ITPR1: variants seen among roughly 807,000 people sequenced by gnomAD.
The protein encoded by ITPR1 is inositol 1,4,5-trisphosphate receptor type 1.
A neutral mutation model predicts 318.4 loss-of-function variants in ITPR1; 96 were observed. The ratio of observed to expected loss-of-function variants is 0.30; its 90% CI spans 0.26 to 0.36. The LOEUF (loss-of-function observed/expected upper bound fraction) is 0.36, where lower values mean the gene tolerates loss of function less well. Among genes scored for constraint, ITPR1 ranks in the 10% least tolerant of loss-of-function variants. ITPR1 has a pLI of 1.00. For synonymous variants in ITPR1, 1,312 were observed against 1,289.9 expected, an observed-to-expected ratio of 1.02 and a Z score of -0.37; for missense variants, 2,440 against 3,460.2, an observed-to-expected ratio of 0.71 and a Z score of 7.40.
At chr3:4,530,370 C>G (rs1029258036) in intron 4 of ITPR1, among the ~76,000 whole-genome samples, 2 of 152,180 alleles carry the variant, frequency 1.3e-5, no homozygotes, top group East Asian at 3.9e-4. Flanking sequence ...TGACTGCTCC[C>G]AGTTCTAGCA....
intron 12 of ITPR1, among the ~76,000 whole-genome samples, chr3:4,656,997 C>T (rs1385011059): frequency 4.6e-5 from 7 of 152,172 alleles, no homozygotes; most frequent in Non-Finnish European, 1.0e-4. Flanking sequence ...CTAGAATATG[C>T]TTTTTTAGTT....
intron 50 of ITPR1, among the ~76,000 whole-genome samples, chr3:4,783,581 G>A (rs538794969): frequency 2.0e-5 from 3 of 152,096 alleles, no homozygotes; most frequent in South Asian, 2.1e-4. Context: ...TAATGACATC[G>A]GGGGAAAGTG....
intron 52 of ITPR1, among the ~76,000 whole-genome samples, chr3:4,788,870 A>G (rs1233841469): frequency 6.6e-6 from 1 of 152,150 alleles, no homozygotes; most frequent in African/African-American, 2.4e-5. Context: ...GAAACACTGG[A>G]TTCCAGCTAT....
At chr3:4,550,416 T>G (rs1176957763) in intron 4 of ITPR1, among the ~76,000 whole-genome samples, 2 of 152,234 alleles carry the variant, frequency 1.3e-5, no homozygotes, top group African/African-American at 4.8e-5. Flanking sequence ...GTGATTTTAT[T>G]GCGTGCTTCA....
intron 54 of ITPR1, among the ~76,000 whole-genome samples, chr3:4,804,092 G>C (rs752766794): frequency 1.3e-5 from 2 of 152,126 alleles, no homozygotes; most frequent in Admixed American, 6.5e-5. Context: ...GGCTGGTCGC[G>C]AACTCCTGAG....
intron 4 of ITPR1, among the ~76,000 whole-genome samples, chr3:4,573,818 T>A (rs1559471904): frequency 6.6e-6 from 1 of 152,246 alleles, no homozygotes; most frequent in East Asian, 1.9e-4. Context: ...GTACTTTCTT[T>A]TCCTCTGTGC....
intron 4 of ITPR1, among the ~76,000 whole-genome samples, chr3:4,573,052 G>A (rs2088197801): frequency 6.6e-6 from 1 of 152,142 alleles, no homozygotes; most frequent in East Asian, 1.9e-4. Flanking sequence ...CTATGACCAT[G>A]GGCGTGCAAA....
intron 37 of ITPR1, among the ~76,000 whole-genome samples, chr3:4,706,761 A>G (rs914321835): frequency 1.1e-4 from 17 of 152,358 alleles, no homozygotes; most frequent in Admixed American, 3.9e-4. Flanking sequence ...TTACATCAGA[A>G]TGAGCCAGAT....
Position 4,665,999 on chromosome 3 carries a change from GC to G in ITPR1, c.1713+704del, listed in dbSNP as rs1420822725. ...TGCTGCTGGCATCTGGTGAGGGGAG[GC>G]TAGGGATGCTCTCAAACACCCAGCA... On this transcript the variant is annotated intron_variant, in intron 17 of 61. Transcript: ENST00000649015. 9.9e-5 allele frequency among the ~76,000 whole-genome samples: 15 copies of G among 152,214 alleles called. No homozygotes were observed. The East Asian group carries it at 2.9e-3, about 29-fold the overall frequency.
At chr3:4,564,152 G>T (rs1239522332) in intron 4 of ITPR1, among the ~76,000 whole-genome samples, 2 of 152,088 alleles carry the variant, frequency 1.3e-5, no homozygotes, top group Non-Finnish European at 2.9e-5. Context: ...TGTAGGTCAG[G>T]CTGGTCTCGA....
At chr3:4,580,617 G>C (rs1418347157) in intron 4 of ITPR1, among the ~76,000 whole-genome samples, 1 of 151,146 alleles carries the variant, frequency 6.6e-6, no homozygotes, top group Admixed American at 6.6e-5. Flanking sequence ...TGTCAAGGAT[G>C]TGGCCTTTGC....
chr3:4,579,393 G>A (rs970009319), intron 4 of ITPR1, among the ~76,000 whole-genome samples: 1 of 152,110 alleles, frequency 6.6e-6, no homozygotes, highest in Non-Finnish European at 1.5e-5. Context: ...GGCTGAATAT[G>A]TATATATGTA....
At chr3:4,581,352 C>G (rs1487960571) in intron 4 of ITPR1, among the ~76,000 whole-genome samples, 1 of 152,196 alleles carries the variant, frequency 6.6e-6, no homozygotes, top group Non-Finnish European at 1.5e-5. Flanking sequence ...TCTGTCCTGA[C>G]TTCACTCCCT....
At position 4,686,778 on chromosome 3, in the gene ITPR1, G is replaced by C. The variant is rs140364553; in HGVS notation, c.3702+1572G>C. ...GAAAAATCCGCTTCACACCACAAGG[G>C]TTCTTCACTTAGCTTGTGCACCAGC... On this transcript the variant is annotated intron_variant, in intron 30 of 61. Transcript: ENST00000649015. Among the ~76,000 whole-genome samples the C allele has an allele frequency of 5.9e-5, 9 of 152,290 alleles. No homozygotes were observed. The East Asian group carries it at 1.5e-3, about 26-fold the overall frequency.
intron 4 of ITPR1, among the ~76,000 whole-genome samples, chr3:4,545,630 A>AG (rs2084909934): frequency 1.3e-5 from 2 of 151,692 alleles, no homozygotes; most frequent in African/African-American, 4.8e-5. Flanking sequence ...CTCAAAAAAA[A>AG]AAAAAAAAAA....
At chr3:4,763,008 A>C (rs1327541619) in intron 44 of ITPR1, among the ~76,000 whole-genome samples, 1 of 152,266 alleles carries the variant, frequency 6.6e-6, no homozygotes, top group African/African-American at 2.4e-5. Context: ...AAAATGTGGA[A>C]TACTATGCAG....
rs779948053 is a variant in ITPR1 at position 4,673,251 on chromosome 3, C to T, written c.2320C>T (p.Leu774=). ...LILRCMSDEN[L]PYDLRASFCR... is the part of the protein sequence containing the mutation. ...TCTCCGCTGCATGTCTGACGAGAAC[C>T]TGCCCTATGACCTCAGGGCGTCCTT... Residue 774 remains leucine (L), a synonymous_variant, in exon 21 of 62, where the codon CTG becomes TTG. Coordinates refer to ENST00000649015, the MANE Select transcript of ITPR1 (RefSeq NM_001378452.1). The T allele has an allele frequency of 1.4e-5, 23 of 1,613,900 alleles. No homozygotes were observed. Among genetic ancestry groups the T allele is most frequent in the Non-Finnish European group, 3.4e-6 (4 of 1,179,894 alleles).
intron 4 of ITPR1, among the ~76,000 whole-genome samples, chr3:4,559,165 T>C (rs80111034): frequency 1.8e-4 from 4 of 22,348 alleles, no homozygotes; most frequent in Non-Finnish European, 3.3e-4. Context: ...GAAAAAGTTG[T>C]TTTTTTTTTT....
chr3:4,776,732 C>G (rs569793466), intron 47 of ITPR1, among the ~76,000 whole-genome samples: 1 of 152,340 alleles, frequency 6.6e-6, no homozygotes, highest in East Asian at 1.9e-4. Flanking sequence ...CTCAAGTTTG[C>G]TTCTCTGCCA....
Sources: allele counts gnomAD v4.1 joint callset (sites outside exome capture counted in the v4.1 genomes callset), GRCh38; gene constraint gnomAD v4.1.1; transcripts MANE v1.5; gene names NCBI Gene and HGNC (gene_info 2026-07-23, HGNC 2026-07-21).